LRRC37A3: variants seen among roughly 807,000 people sequenced by gnomAD.
LRRC37A3 encodes leucine rich repeat containing 37 member A3, also known as leucine-rich repeat-containing protein 37A3.
In LRRC37A3, 25 loss-of-function variants were observed where a neutral mutation model predicts 106.2. The observed-to-expected ratio is 0.24, with a 90% CI of 0.17 to 0.33. The LOEUF (loss-of-function observed/expected upper bound fraction) is 0.33. Ranked by LOEUF, LRRC37A3 falls within the 10% of genes least tolerant of loss-of-function variation. The pLI is 1.00. For missense variants in LRRC37A3, 712 were observed against 1,644.9 expected (o/e 0.43, Z 9.81); for synonymous variants, 305 against 635.8 (o/e 0.48, Z 7.83).
chr17:64,861,049 C>T, intron 11 of LRRC37A3, 76 bp from the exon 12 acceptor site: 1 of 1,607,378 alleles, frequency 6.2e-7, no homozygotes, highest in East Asian at 2.2e-5. Context: ...CTGTACACTC[C>T]AGTCACACAG....
chr17:64,919,042 C>T (rs936339517), intron 1 of LRRC37A3, among the ~76,000 whole-genome samples, 172 bp from the exon 2 acceptor site: 4 of 151,864 alleles, frequency 2.6e-5, no homozygotes, highest in African/African-American at 4.8e-5. Flanking sequence ...CGGCTTTCTC[C>T]GGCTACTGCT....
rs1974216995 is a variant in LRRC37A3, at chr17:64,898,933, TATC to T, written c.-495-477_-495-475del. The T allele has an allele frequency of 2.4e-6, 2 of 832,076 alleles. 1 individual carries two copies. Among genetic ancestry groups the T allele is most frequent in the African/African-American group, 4.3e-5 (2 of 46,368 alleles). The allele number at this position is 832,076 out of a possible 1,614,324, so 51.5% of individuals were successfully genotyped here. On this transcript the variant is annotated intron_variant, in intron 2 of 14. Coordinates refer to ENST00000584306, the MANE Select transcript of LRRC37A3 (RefSeq NM_199340.5). ...CTAGGTTATTTCACCATTGTGCTAA[TATC>T]ATAGCGTATACTTACACAAACCTAG...
chr17:64,869,186 T>C lies in LRRC37A3; in HGVS notation c.2907-20A>G. The C allele has an allele frequency of 6.2e-7, 1 of 1,609,988 alleles. No homozygotes were observed. The highest frequency in any genetic ancestry group is 1.1e-5 in the South Asian group (1 of 89,784). On this transcript the variant is annotated intron_variant, in intron 8 of 14. Coordinates refer to ENST00000584306, the MANE Select transcript of LRRC37A3 (RefSeq NM_199340.5). ...AGAATTCTGAAAAATGGAATGGAAT[T>C]AAAATAACCTGCATTTTCAATGTGT...
intron 10 of LRRC37A3, among the ~76,000 whole-genome samples, chr17:64,865,403 C>G (rs1182717579): frequency 6.6e-6 from 1 of 152,226 alleles, no homozygotes; most frequent in Non-Finnish European, 1.5e-5. Context: ...TTTGGCCTCC[C>G]AAAGTGCTGG....
chr17:64,906,757 A>G (rs1394163878), intron 2 of LRRC37A3, among the ~76,000 whole-genome samples: 3 of 140,822 alleles, frequency 2.1e-5, no homozygotes, highest in African/African-American at 2.7e-5. Context: ...TTTGAGACGG[A>G]GTCTCCCTCT....
rs1290317481 is a variant in LRRC37A3, at chr17:64,854,154, T to G, written c.*445A>C. 6.6e-6 allele frequency among the ~76,000 whole-genome samples: 1 copy of G among 152,192 alleles called. No homozygotes were observed. Among genetic ancestry groups the G allele is most frequent in the Non-Finnish European group, 1.5e-5 (1 of 68,016 alleles). On this transcript the variant is annotated 3_prime_UTR_variant, in exon 15 of 15. Coordinates refer to ENST00000584306, the MANE Select transcript of LRRC37A3 (RefSeq NM_199340.5). ...ATTTTAAAAAAAGCAATGTGAATCT[T>G]TTGCCATCTTGTAAGGGTGAAAAGC...
intron 2 of LRRC37A3, among the ~76,000 whole-genome samples, chr17:64,917,264 A>AC: frequency 6.6e-6 from 1 of 151,258 alleles, no homozygotes; most frequent in African/African-American, 2.4e-5. Flanking sequence ...AAAAAAAAAA[A>AC]AAAAAACCTG....
At chr17:64,901,322 G>A (rs1427808369) in intron 2 of LRRC37A3, 1 of 151,038 alleles carries the variant, frequency 6.6e-6, no homozygotes, top group African/African-American at 2.5e-5. Flanking sequence ...GCACCAGGTG[G>A]GGGGTCGAAG....
rs1213326446 is a variant in LRRC37A3, at chr17:64,855,757, G to A, written c.4859+83C>T. On this transcript the variant is annotated intron_variant, in intron 14 of 14. Transcript: ENST00000584306. ...GTGGAGGTTGCCGTGAGCCGAGATC[G>A]CGTCATTGCACTCCAGCCTGGCAAC... The A allele has an allele frequency of 3.3e-5, 52 of 1,595,638 alleles. No individual in the cohort carries two copies. In the Admixed American group the frequency reaches 6.8e-4, roughly 21 times the overall value.
intron 10 of LRRC37A3, among the ~76,000 whole-genome samples, chr17:64,864,455 T>C (rs1345610722): frequency 1.3e-5 from 2 of 152,246 alleles, no homozygotes; most frequent in Non-Finnish European, 2.9e-5. Flanking sequence ...TTCATCTTTC[T>C]GGCTTGTTTG....
intron 2 of LRRC37A3, among the ~76,000 whole-genome samples, chr17:64,911,040 TTACCTC>T (rs1277328773): frequency 6.6e-6 from 1 of 152,210 alleles, no homozygotes; most frequent in Non-Finnish European, 1.5e-5. Context: ...GCTACCATTA[TTACCTC>T]TACATGTATA....
At position 64,860,723 on chromosome 17, in the gene LRRC37A3, G is replaced by T. The variant is rs777242603; in HGVS notation, c.3423C>A (p.Phe1141Leu). ...NLDVKSLLLP[F>L]IKLPTTGNSL... ...TGTTTCCTGTGGTTGGCAGTTTAAT[G>T]AACGGTAGTAACAGTGATTTCACAT... Residue 1141 changes from phenylalanine to leucine, a missense_variant, in exon 12 of 15, where the codon TTC becomes TTA. Transcript: ENST00000584306. 2.5e-6 allele frequency: 4 copies of T among 1,613,892 alleles called. No individual in the cohort carries two copies.
At chr17:64,916,337 G>A (rs1974699723) in intron 2 of LRRC37A3, among the ~76,000 whole-genome samples, 1 of 151,456 alleles carries the variant, frequency 6.6e-6, no homozygotes, top group Admixed American at 6.6e-5. Context: ...CCCGGGAGGG[G>A]GAGCTTGCAG....
At chr17:64,875,141 G>C (rs192916287) in intron 8 of LRRC37A3, among the ~76,000 whole-genome samples, 1 of 152,126 alleles carries the variant, frequency 6.6e-6, no homozygotes, top group Admixed American at 6.5e-5. Context: ...ACTGGGCATG[G>C]TGGTGCATGC....
chr17:64,859,140 C>A (rs1246573888), intron 12 of LRRC37A3, among the ~76,000 whole-genome samples: 3 of 152,012 alleles, frequency 2.0e-5, no homozygotes, highest in African/African-American at 7.2e-5. Flanking sequence ...TTTGTGGAGA[C>A]AGGCTTTCAC....
At chr17:64,872,301 T>G (rs1297345590) in intron 8 of LRRC37A3, among the ~76,000 whole-genome samples, 1 of 151,974 alleles carries the variant, frequency 6.6e-6, no homozygotes, top group Non-Finnish European at 1.5e-5. Context: ...AAGGAGCATT[T>G]ATTCAAGAAA....
intron 8 of LRRC37A3, among the ~76,000 whole-genome samples, chr17:64,877,866 T>C (rs1973566975): frequency 6.6e-6 from 1 of 151,968 alleles, no homozygotes; most frequent in Non-Finnish European, 1.5e-5. Context: ...TTATGGAAAA[T>C]TGATTTTTGA....
intron 8 of LRRC37A3, chr17:64,881,141 A>T: frequency 1.4e-6 from 1 of 700,950 alleles, no homozygotes; most frequent in South Asian, 1.5e-5. Flanking sequence ...ATCTCCCCAC[A>T]CCAAGCTCCT....
intron 2 of LRRC37A3, among the ~76,000 whole-genome samples, chr17:64,914,357 G>A (rs551771714): frequency 3.3e-5 from 5 of 151,954 alleles, no homozygotes; most frequent in Admixed American, 1.3e-4. Flanking sequence ...TCAGGAGTTC[G>A]AGACCAGCCT....
Sources: gnomAD v4.1 joint callset for allele counts (sites outside exome capture counted in the v4.1 genomes callset) on GRCh38, gnomAD v4.1.1 for gene constraint, MANE v1.5 for transcripts, NCBI Gene and HGNC (gene_info 2026-07-23, HGNC 2026-07-21) for gene names.